CUX1: variants seen among roughly 807,000 people sequenced by gnomAD.
The protein encoded by CUX1 is protein CASP.
A neutral mutation model predicts 158.8 loss-of-function variants in CUX1; 31 were observed. That is an observed-to-expected ratio of 0.20 (90% CI 0.15 to 0.26). The LOEUF is 0.26. Ranked by LOEUF, CUX1 falls within the 10% of genes least tolerant of loss-of-function variation. The probability of loss-of-function intolerance (pLI) is 1.00; values close to 1 mark genes in which losing one functional copy is unlikely to be tolerated. For synonymous variants in CUX1, 879 were observed against 862.1 expected, an observed-to-expected ratio of 1.02 and a Z score of -0.34; for missense variants, 1,589 against 2,014.6, an observed-to-expected ratio of 0.79 and a Z score of 4.04.
At chr7:102,193,067 G>A (rs1001484052) in intron 12 of CUX1, among the ~76,000 whole-genome samples, 1 of 152,230 alleles carries the variant, frequency 6.6e-6, no homozygotes, top group Non-Finnish European at 1.5e-5. Context: ...ACCTGGGGCT[G>A]CAGAGAAGGT....
At chr7:102,235,126 G>T (rs1253275686) in intron 22 of CUX1, among the ~76,000 whole-genome samples, 1 of 152,214 alleles carries the variant, frequency 6.6e-6, no homozygotes, top group Non-Finnish European at 1.5e-5. Flanking sequence ...CTCGAATGTG[G>T]ATTCATGTTC....
At chr7:101,894,180 G>T (rs10264844) in intron 1 of CUX1, among the ~76,000 whole-genome samples, 31,832 of 152,130 alleles carry the variant, frequency 0.21, 5,067 homozygotes, top group East Asian at 0.84. Flanking sequence ...TAGGGATTTG[G>T]TGGTTTTTCA....
rs953977660 is a variant in CUX1, at chr7:102,191,781, T to C, written c.1076+1910T>C. ...TTCTTCTTTCTTCCTCTTCCTCTTC[T>C]TCTTCCTCTTGCTCCTCCTCCTCCT... is the stretch of plus-strand genomic sequence containing the variant. On this transcript the variant is annotated intron_variant, in intron 12 of 23. Coordinates refer to ENST00000292535, the MANE Select transcript of CUX1 (RefSeq NM_181552.4). Among the ~76,000 whole-genome samples the C allele has an allele frequency of 2.0e-5, 3 of 151,880 alleles. No homozygotes were observed. The East Asian group carries it at 5.8e-4, about 29-fold the overall frequency.
chr7:102,046,994 C>T (rs941520356), intron 3 of CUX1, among the ~76,000 whole-genome samples: 4 of 152,164 alleles, frequency 2.6e-5, no homozygotes, highest in Admixed American at 2.6e-4. Flanking sequence ...AGGATGCTCC[C>T]CTACCTTGCT....
intron 2 of CUX1, among the ~76,000 whole-genome samples, chr7:102,014,182 G>T (rs1012101057): frequency 1.4e-4 from 22 of 152,102 alleles, no homozygotes; most frequent in African/African-American, 5.3e-4. Context: ...ACAAGAGACC[G>T]ACCTCTGTGG....
chr7:102,228,943 T>C (rs1180874111), intron 21 of CUX1, among the ~76,000 whole-genome samples: 21 of 152,342 alleles, frequency 1.4e-4, no homozygotes, highest in African/African-American at 4.1e-4. Flanking sequence ...TCCGTGATGC[T>C]GGCCAGGCTG....
chr7:102,093,259 C>T (rs999579395), intron 4 of CUX1, among the ~76,000 whole-genome samples: 2 of 148,380 alleles, frequency 1.3e-5, no homozygotes, highest in Non-Finnish European at 3.0e-5. Context: ...AGTCATAGCT[C>T]TCTGCAACCT....
In CUX1 at chr7:102,248,635, G is replaced by T; in HGVS notation, c.4111G>T (p.Glu1371Ter). Residue 1371 changes from glutamate to a stop codon, truncating the protein, a stop_gained, in exon 24 of 24, where the codon GAG becomes TAG. Coordinates refer to ENST00000292535, the MANE Select transcript of CUX1 (RefSeq NM_181552.4). LOFTEE classifies it low-confidence loss of function (END_TRUNC). This position sits in a 1 kb window ranked among gnomAD's most constrained non-coding sequence, Gnocchi z 5.8. ...AEREEVPRPAEQTEPPPSGTP... is the reference protein window; with the variant it reads ...AEREEVPRPA ...GCGGGAGGAGGTGCCGCGGCCGGCG[G>T]AGCAGACGGAGCCGCCGCCCTCGGG... The T allele has an allele frequency of 7.1e-7, 1 of 1,399,500 alleles. No individual in the cohort carries two copies. The allele number at this position is 1,399,500 out of a possible 1,614,324, so 86.7% of individuals were successfully genotyped here. A position where few individuals can be genotyped will look rare whatever the true frequency, so the allele number is the denominator to read the frequency against.
chr7:102,229,349 C>T (rs1554529818), intron 21 of CUX1, among the ~76,000 whole-genome samples: 1 of 147,364 alleles, frequency 6.8e-6, no homozygotes, highest in African/African-American at 2.5e-5. Context: ...GTCGCCCAGG[C>T]TGGAGTGCAG....
At chr7:102,152,382 A>G (rs919913647) in intron 8 of CUX1, among the ~76,000 whole-genome samples, 1 of 152,134 alleles carries the variant, frequency 6.6e-6, no homozygotes, top group Non-Finnish European at 1.5e-5. Flanking sequence ...TCTCAGAAAA[A>G]TGAGTAACAA....
At chr7:102,280,738 C>T (rs1586540853) in intron 19 of CUX1, 2 of 1,544,358 alleles carry the variant, frequency 1.3e-6, no homozygotes, top group Middle Eastern at 1.7e-4. Context: ...AGGCCCTGCT[C>T]TCTGCCACAA....
intron 22 of CUX1, among the ~76,000 whole-genome samples, chr7:102,235,745 G>C (rs1554532478): frequency 6.7e-6 from 1 of 149,664 alleles, no homozygotes; most frequent in African/African-American, 2.5e-5. Flanking sequence ...CCCTTGAGTG[G>C]CTCTGCCCCA....
At chr7:102,060,695 C>T (rs1824740883) in intron 3 of CUX1, among the ~76,000 whole-genome samples, 1 of 150,538 alleles carries the variant, frequency 6.6e-6, no homozygotes, top group African/African-American at 2.4e-5. Flanking sequence ...TCACTGCAAC[C>T]TCCACCTTCT....
At chr7:101,984,496 C>CAAAAA (rs569101693) in intron 2 of CUX1, among the ~76,000 whole-genome samples, 1 of 111,674 alleles carries the variant, frequency 9.0e-6, no homozygotes, top group African/African-American at 3.7e-5. Flanking sequence ...TGTTCTCCGG[C>CAAAAA]AAAAAAAAAA....
At chr7:102,274,213 G>GCACC in intron 15 of CUX1, 1 of 1,601,046 alleles carries the variant, frequency 6.2e-7, no homozygotes, top group Non-Finnish European at 8.6e-7. Context: ...TTGTGCGGAG[G>GCACC]CACCTCCTCA....
intron 10 of CUX1, among the ~76,000 whole-genome samples, chr7:102,176,162 A>G (rs573054790): frequency 6.6e-6 from 1 of 152,374 alleles, no homozygotes; most frequent in East Asian, 1.9e-4. Flanking sequence ...CTCTTTGCAC[A>G]CAAAACTTTA....
intron 1 of CUX1, among the ~76,000 whole-genome samples, chr7:101,851,031 C>T (rs1796215753): frequency 6.6e-6 from 1 of 152,134 alleles, no homozygotes; most frequent in East Asian, 1.9e-4. Flanking sequence ...ATTGCTTAAG[C>T]TGGGGAGGTC....
intron 20 of CUX1, among the ~76,000 whole-genome samples, chr7:102,211,642 G>A (rs576978067): frequency 1.3e-4 from 20 of 152,002 alleles, no homozygotes; most frequent in Admixed American, 2.6e-4. Flanking sequence ...TTAGCCAGGC[G>A]TGGTGGTGCA....
intron 1 of CUX1, among the ~76,000 whole-genome samples, chr7:101,864,770 C>T (rs1797779655): frequency 6.6e-6 from 1 of 151,654 alleles, no homozygotes; most frequent in South Asian, 2.1e-4. Flanking sequence ...AGACTGGTCT[C>T]GAACTCCTGA....
Sources: allele counts gnomAD v4.1 joint callset (sites outside exome capture counted in the v4.1 genomes callset), GRCh38; gene constraint gnomAD v4.1.1; non-coding constraint Gnocchi (gnomAD v3.1); transcripts MANE v1.5; gene names NCBI Gene and HGNC (gene_info 2026-07-23, HGNC 2026-07-21).